Variants in CADM2 observed in about 807,000 individuals in gnomAD.
CADM2 encodes cell adhesion molecule 2, also known as immunoglobulin superfamily member 4D.
In CADM2, 12 loss-of-function variants were observed where a neutral mutation model predicts 49.8. The ratio of observed to expected loss-of-function variants is 0.24; its 90% CI spans 0.15 to 0.39. The LOEUF (loss-of-function observed/expected upper bound fraction) is 0.39. CADM2 is among the 10% of genes least tolerant of loss of function. The pLI is 1.00. For synonymous variants in CADM2, 214 were observed against 175.4 expected, an observed-to-expected ratio of 1.22 and a Z score of -1.74; for missense variants, 378 against 492.3, an observed-to-expected ratio of 0.77 and a Z score of 2.20.
chr3:85,339,135 A>G (rs2045171756), intron 1 of CADM2, among the ~76,000 whole-genome samples: 2 of 151,562 alleles, frequency 1.3e-5, no homozygotes, highest in Admixed American at 6.6e-5. Flanking sequence ...GATTTGTAAA[A>G]TAGTGATAAT....
intron 1 of CADM2, among the ~76,000 whole-genome samples, chr3:85,403,208 G>T (rs745960570): frequency 9.2e-5 from 14 of 151,980 alleles, no homozygotes; most frequent in Non-Finnish European, 1.8e-4. Flanking sequence ...TGATGATTTC[G>T]TATTGTTCAA....
At chr3:85,643,429 T>C (rs575255699) in intron 1 of CADM2, among the ~76,000 whole-genome samples, 6 of 152,210 alleles carry the variant, frequency 3.9e-5, no homozygotes, top group Non-Finnish European at 1.5e-5. Context: ...AGTCTTCATT[T>C]GAAAATATGA....
chr3:85,499,172 A>G (rs2040019612), intron 1 of CADM2, among the ~76,000 whole-genome samples: 1 of 152,188 alleles, frequency 6.6e-6, no homozygotes, highest in Non-Finnish European at 1.5e-5. Context: ...GAAAAAACAA[A>G]GCATACTGAT....
intron 1 of CADM2, among the ~76,000 whole-genome samples, chr3:85,311,957 C>G (rs1048349195): frequency 6.6e-6 from 1 of 152,116 alleles, no homozygotes; most frequent in African/African-American, 2.4e-5. Flanking sequence ...ATTAGGCAAG[C>G]GTCTACTCAA....
chr3:85,912,602 T>A, intron 6 of CADM2, 59 bp downstream of exon 6: 1 of 1,503,046 alleles, frequency 6.7e-7, no homozygotes. Context: ...CATCTGCATC[T>A]AAAATCATTT....
chr3:85,539,156 T>C (rs921449751), intron 1 of CADM2, among the ~76,000 whole-genome samples: 6 of 144,142 alleles, frequency 4.2e-5, no homozygotes, highest in African/African-American at 1.5e-4. Flanking sequence ...AAAACAGCTG[T>C]ATGAGATTCT....
At chr3:85,461,573 A>G (rs2038246975) in intron 1 of CADM2, among the ~76,000 whole-genome samples, 1 of 152,176 alleles carries the variant, frequency 6.6e-6, no homozygotes, top group Non-Finnish European at 1.5e-5. Context: ...TGGTTTGAGA[A>G]TATTTCTTGC....
At chr3:85,147,046 G>A (rs942006273) in intron 1 of CADM2, among the ~76,000 whole-genome samples, 3 of 152,064 alleles carry the variant, frequency 2.0e-5, no homozygotes, top group Non-Finnish European at 4.4e-5. Flanking sequence ...GCCGACACGG[G>A]CGGATCACCT....
chr3:85,391,517 A>G (rs1400271805), intron 1 of CADM2, among the ~76,000 whole-genome samples: 1 of 149,614 alleles, frequency 6.7e-6, no homozygotes, highest in Non-Finnish European at 1.5e-5. Flanking sequence ...GGCAAGGCAG[A>G]GACCGAAGAC....
intron 3 of CADM2, among the ~76,000 whole-genome samples, chr3:85,879,297 T>C (rs949067281): frequency 5.3e-5 from 8 of 152,046 alleles, no homozygotes; most frequent in African/African-American, 1.9e-4. Flanking sequence ...AGCACAGACC[T>C]GCTTTATTTT....
At chr3:85,582,977 A>G (rs2062838510) in intron 1 of CADM2, among the ~76,000 whole-genome samples, 1 of 152,162 alleles carries the variant, frequency 6.6e-6, no homozygotes, top group Non-Finnish European at 1.5e-5. Flanking sequence ...CAAAAAAGAA[A>G]AAAGGTGTTT....
intron 1 of CADM2, among the ~76,000 whole-genome samples, chr3:84,994,952 G>A (rs767352620): frequency 1.3e-5 from 2 of 151,986 alleles, no homozygotes; most frequent in Non-Finnish European, 2.9e-5. Context: ...ATGTGAACCC[G>A]GAAGGCAGCG....
chr3:85,006,190 G>A (rs2033717857), intron 1 of CADM2, among the ~76,000 whole-genome samples: 1 of 152,090 alleles, frequency 6.6e-6, no homozygotes, highest in Non-Finnish European at 1.5e-5. Context: ...CAAACTTAGA[G>A]CTGACTCTGA....
At chr3:85,090,751 A>T (rs1451121163) in intron 1 of CADM2, among the ~76,000 whole-genome samples, 1 of 152,144 alleles carries the variant, frequency 6.6e-6, no homozygotes, top group Non-Finnish European at 1.5e-5. Context: ...GCGGCATTAG[A>T]TTCTCATAGA....
chr3:85,696,248 G>A (rs2066551140), intron 1 of CADM2, among the ~76,000 whole-genome samples: 1 of 151,862 alleles, frequency 6.6e-6, no homozygotes, highest in African/African-American at 2.4e-5. Flanking sequence ...TTCTTTTTCT[G>A]TGCAGAAACT....
At chr3:86,055,193 C>A (rs1428792510) in intron 8 of CADM2, among the ~76,000 whole-genome samples, 1 of 152,068 alleles carries the variant, frequency 6.6e-6, no homozygotes, top group Non-Finnish European at 1.5e-5. Context: ...ATTTATTGAA[C>A]ACTTTTTAGA....
chr3:85,750,803 ATCAGTGTGCATAC>A (rs1464502849), intron 2 of CADM2, among the ~76,000 whole-genome samples: 17 of 152,018 alleles, frequency 1.1e-4, no homozygotes, highest in African/African-American at 3.9e-4. Flanking sequence ...CCTCCATGCT[ATCAGTGTGCATAC>A]TCAGGGAACA....
At chr3:85,541,775 TTATA>T (rs10576590) in intron 1 of CADM2, among the ~76,000 whole-genome samples, 6,024 of 88,264 alleles carry the variant, frequency 0.068, 696 homozygotes, top group African/African-American at 0.18. Context: ...ATTTTATATT[TTATA>T]TATATATATA....
chr3:85,150,443 T>C (rs1277387943), intron 1 of CADM2, among the ~76,000 whole-genome samples: 1 of 152,192 alleles, frequency 6.6e-6, no homozygotes, highest in Non-Finnish European at 1.5e-5. Context: ...TTTACATTTC[T>C]CCAGTAGTTT....
Sources: allele counts gnomAD v4.1 joint callset (sites outside exome capture counted in the v4.1 genomes callset), GRCh38; gene constraint gnomAD v4.1.1; transcripts MANE v1.5; gene names NCBI Gene and HGNC (gene_info 2026-07-23, HGNC 2026-07-21).